The following RAB7A variants were observed in gnomAD, a reference collection of about 807,000 sequenced individuals.
RAB7A encodes the protein ras-related protein Rab-7a.
Under a neutral mutation model 24.5 loss-of-function variants are expected in RAB7A, and 2 were observed. The ratio of observed to expected loss-of-function variants is 0.08; its 90% confidence interval spans 0.03 to 0.26. RAB7A has a LOEUF of 0.26. Among genes scored for constraint, RAB7A ranks in the 10% least tolerant of loss-of-function variants. The pLI, the probability that RAB7A is intolerant of heterozygous loss-of-function variation, is 1.00. For synonymous variants in RAB7A, 100 were observed against 95.9 expected (o/e 1.04, Z -0.25); for missense variants, 118 against 255.7 (o/e 0.46, Z 3.67).
intron 1 of RAB7A, among the ~76,000 whole-genome samples, chr3:128,758,562 C>G (rs2070751131): frequency 6.6e-6 from 1 of 152,158 alleles, no homozygotes; most frequent in African/African-American, 2.4e-5. Context: ...AGGCGTGAGC[C>G]ACTGGCCCAG....
chr3:128,747,230 T>A (rs1378356012), intron 1 of RAB7A, among the ~76,000 whole-genome samples: 3 of 151,460 alleles, frequency 2.0e-5, no homozygotes, highest in Non-Finnish European at 4.4e-5. Context: ...AGTTTGAGAT[T>A]ACAGTGAGCT....
In RAB7A at chr3:128,771,241, G is replaced by A. The variant is rs563454621; in HGVS notation, c.-8-24119G>A. 4.6e-5 allele frequency among the ~76,000 whole-genome samples: 7 copies of A among 152,314 alleles called. No individual in the cohort carries two copies. The East Asian group carries it at 1.3e-3, about 29-fold the overall frequency. ...CCGCCTCAGCCTCCCAAAGTGCTGG[G>A]ATTACAGGCGTGAGCCACTGGGCCC... On this transcript the variant is annotated intron_variant, in intron 1 of 5. Coordinates refer to ENST00000265062, the MANE Select transcript of RAB7A (RefSeq NM_004637.6).
Position 128,813,468 on chromosome 3 carries a change from A to G in RAB7A, c.*46A>G. 1 of 1,531,372 alleles carries G rather than the reference A, an allele frequency of 6.5e-7. No homozygotes were observed. The highest frequency in any genetic ancestry group is 9.0e-7 in the Non-Finnish European group (1 of 1,105,690). 94.9% of individuals were successfully genotyped at this position (1,531,372 alleles called of 1,614,324 possible). Reference sequence around the variant, plus strand: ...ACAGAGTCCTTCACAAACCAAGAACACACGTAGGCCTTCAACACAATTCCC... The same window carrying G: ...ACAGAGTCCTTCACAAACCAAGAACGCACGTAGGCCTTCAACACAATTCCC... On this transcript the variant is annotated 3_prime_UTR_variant, in exon 6 of 6. Transcript: ENST00000265062.
intron 1 of RAB7A, chr3:128,764,512 T>C (rs888080936): frequency 6.0e-6 from 5 of 830,688 alleles, no homozygotes; most frequent in Admixed American, 1.7e-5. Flanking sequence ...GTTAAAGATA[T>C]ATTCTGCCAA....
chr3:128,802,322 A>G (rs1576301888), intron 3 of RAB7A, among the ~76,000 whole-genome samples: 1 of 152,144 alleles, frequency 6.6e-6, no homozygotes, highest in Admixed American at 6.5e-5. Context: ...CTTAGATGGA[A>G]TCAAATAGGC....
At chr3:128,764,812 TTC>T (rs2070812554) in intron 1 of RAB7A, 1 of 922,586 alleles carries the variant, frequency 1.1e-6, no homozygotes, top group Non-Finnish European at 1.8e-6. Context: ...CTTCATCAGT[TTC>T]TCGGCATGTT....
At chr3:128,759,966 TCC>T (rs1438443240) in intron 1 of RAB7A, among the ~76,000 whole-genome samples, 1 of 152,162 alleles carries the variant, frequency 6.6e-6, no homozygotes, top group Non-Finnish European at 1.5e-5. Context: ...TGCCTCGGCC[TCC>T]CAAAGTGCTG....
chr3:128,741,263 G>C (rs560429321), intron 1 of RAB7A, among the ~76,000 whole-genome samples: 1 of 152,012 alleles, frequency 6.6e-6, no homozygotes, highest in East Asian at 1.9e-4. Flanking sequence ...GTCTTGTTTG[G>C]CTGATGGCAT....
chr3:128,770,337 C>T (rs982946909), intron 1 of RAB7A, among the ~76,000 whole-genome samples: 1 of 152,170 alleles, frequency 6.6e-6, no homozygotes, highest in African/African-American at 2.4e-5. Flanking sequence ...TGACGTGGAA[C>T]TTTAGCTAGA....
At chr3:128,763,438 C>T (rs1004230873) in intron 1 of RAB7A, among the ~76,000 whole-genome samples, 3 of 151,726 alleles carry the variant, frequency 2.0e-5, no homozygotes, top group African/African-American at 4.8e-5. Flanking sequence ...AGGATGGTCT[C>T]GATCTCCTGA....
intron 1 of RAB7A, among the ~76,000 whole-genome samples, chr3:128,761,686 G>A (rs2070776824): frequency 6.6e-6 from 1 of 152,144 alleles, no homozygotes; most frequent in African/African-American, 2.4e-5. Context: ...TCTGGAAAAA[G>A]GCACCTCTCC....
At position 128,742,920 on chromosome 3, in the gene RAB7A, G is replaced by A. The variant is rs1447967896; in HGVS notation, c.-9+16561G>A. Among the ~76,000 whole-genome samples, 11 of 152,214 alleles carry A rather than the reference G, an allele frequency of 7.2e-5. 1 individual carries two copies. Among genetic ancestry groups the A allele is most frequent in the African/African-American group, 1.4e-4 (6 of 41,454 alleles). On this transcript the variant is annotated intron_variant, in intron 1 of 5. Coordinates refer to ENST00000265062, the MANE Select transcript of RAB7A (RefSeq NM_004637.6). ...GAGCTGCCCAGCAGTCCCATGCTGC[G>A]CACCTGCACTCCTCAGCCCTTGGGC...
chr3:128,727,134 A>G (rs2070388399), intron 1 of RAB7A, among the ~76,000 whole-genome samples: 1 of 152,184 alleles, frequency 6.6e-6, no homozygotes, highest in African/African-American at 2.4e-5. Flanking sequence ...TTGACAGCAA[A>G]TATTTGAGCG....
At chr3:128,807,886 T>TGAA (rs1367723134) in intron 5 of RAB7A, among the ~76,000 whole-genome samples, 3 of 152,226 alleles carry the variant, frequency 2.0e-5, no homozygotes, top group Admixed American at 6.5e-5. Flanking sequence ...GCAGAGGCTG[T>TGAA]GAAGTCTGAG....
At chr3:128,771,705 G>A (rs976706363) in intron 1 of RAB7A, among the ~76,000 whole-genome samples, 6 of 152,182 alleles carry the variant, frequency 3.9e-5, no homozygotes, top group Non-Finnish European at 8.8e-5. Flanking sequence ...TAGTAATTGC[G>A]GTTTTTGCAA....
At chr3:128,734,194 C>T (rs1440984630) in intron 1 of RAB7A, among the ~76,000 whole-genome samples, 2 of 152,026 alleles carry the variant, frequency 1.3e-5, no homozygotes, top group Non-Finnish European at 2.9e-5. Context: ...CTTTGGGAGA[C>T]CGAGGTGGGC....
At chr3:128,760,888 G>T (rs902043551) in intron 1 of RAB7A, among the ~76,000 whole-genome samples, 1 of 152,210 alleles carries the variant, frequency 6.6e-6, no homozygotes, top group African/African-American at 2.4e-5. Flanking sequence ...CCTATATAAA[G>T]TGTTTTATCC....
At chr3:128,775,469 G>A (rs1042995814) in intron 1 of RAB7A, among the ~76,000 whole-genome samples, 2 of 152,040 alleles carry the variant, frequency 1.3e-5, no homozygotes, top group Non-Finnish European at 2.9e-5. Flanking sequence ...ACATTCTGTG[G>A]GCTTCCTGAT....
At chr3:128,758,359 G>A (rs977642435) in intron 1 of RAB7A, among the ~76,000 whole-genome samples, 11 of 148,132 alleles carry the variant, frequency 7.4e-5, no homozygotes, top group Non-Finnish European at 1.2e-4. Context: ...TGCAAGCTCC[G>A]CCTTCCAGGT....
Sources: allele counts gnomAD v4.1 joint callset (sites outside exome capture counted in the v4.1 genomes callset), GRCh38; gene constraint gnomAD v4.1.1; transcripts MANE v1.5; gene names NCBI Gene and HGNC (gene_info 2026-07-23, HGNC 2026-07-21).